The following ADGB variants were observed in gnomAD, a reference collection of about 807,000 sequenced individuals.
ADGB encodes androglobin.
Under a neutral mutation model 210.5 loss-of-function variants are expected in ADGB, and 172 were observed. The observed-to-expected ratio is 0.82, with a 90% CI of 0.72 to 0.93. The LOEUF (loss-of-function observed/expected upper bound fraction) is 0.93. ADGB is among the 40% of genes least tolerant of loss of function. ADGB has a pLI of 0.00. For missense variants in ADGB, 2,025 were observed against 1,964.8 expected (o/e 1.03, Z -0.58); for synonymous variants, 658 against 662.7 (o/e 0.99, Z 0.11).
chr6:146,626,325 T>TGTGTATTTTGCC (rs2114849034), intron 1 of ADGB, among the ~76,000 whole-genome samples: 1 of 152,114 alleles, frequency 6.6e-6, no homozygotes, highest in African/African-American at 2.4e-5. Flanking sequence ...TAAAATAACT[T>TGTGTATTTTGCC]GTGTATTTTG....
rs1452106627 is a variant in ADGB, at chr6:146,784,666, A to G, written c.4084A>G (p.Ile1362Val). The change falls in exon 31 of 36, where the codon ATT becomes GTT. Residue 1362 changes from isoleucine (I) to valine (V), a missense_variant. By Grantham distance (29) the Ile-to-Val change is conservative. Transcript: ENST00000397944. Reference protein sequence around the residue: ...QQEDPNKPYWILRLVTEHNES... With the variant: ...QQEDPNKPYWVLRLVTEHNES... ...AGAAGACCCAAATAAACCCTACTGG[A>G]TTTTGAGGTTGGTCACTGAACACAA... The G allele has an allele frequency of 3.2e-6, 5 of 1,551,422 alleles. No homozygotes were observed. Among genetic ancestry groups the G allele is most frequent in the African/African-American group, 1.4e-5 (1 of 73,112 alleles).
At chr6:146,712,054 C>CAAAA in intron 13 of ADGB, among the ~76,000 whole-genome samples, 1 of 137,416 alleles carries the variant, frequency 7.3e-6, no homozygotes. Context: ...CAGATCCTGT[C>CAAAA]AAAAAAAAAA....
At chr6:146,679,564 T>C (rs1432182471) in intron 9 of ADGB, among the ~76,000 whole-genome samples, 1 of 152,198 alleles carries the variant, frequency 6.6e-6, no homozygotes, top group Non-Finnish European at 1.5e-5. Flanking sequence ...ACCTTTTTCC[T>C]GGCATAAAGG....
At position 146,736,600 on chromosome 6, in the gene ADGB, G is replaced by A; in HGVS notation, c.2888+9G>A. 1 of 1,517,678 alleles carries A rather than the reference G, an allele frequency of 6.6e-7. No individual in the cohort carries two copies. Among genetic ancestry groups the A allele is most frequent in the Non-Finnish European group, 8.9e-7 (1 of 1,126,374 alleles). 94.0% of individuals were successfully genotyped at this position (1,517,678 alleles called of 1,614,324 possible). A position where few individuals can be genotyped will look rare whatever the true frequency, so the allele number is the denominator to read the frequency against. On this transcript the variant is annotated intron_variant, in intron 23 of 35. Coordinates refer to ENST00000397944, the MANE Select transcript of ADGB (RefSeq NM_024694.4). ...GCAGTTTCTCTCTTAAGGTAAAGCA[G>A]TCAAATGATATTTTTATTGCAGTAT...
At chr6:146,654,680 T>C (rs1321698399) in intron 4 of ADGB, among the ~76,000 whole-genome samples, 2 of 152,160 alleles carry the variant, frequency 1.3e-5, no homozygotes, top group Non-Finnish European at 2.9e-5. Flanking sequence ...AGGTATACAA[T>C]TTGATGGTTT....
At chr6:146,605,746 AC>A (rs1780622186) in intron 1 of ADGB, among the ~76,000 whole-genome samples, 1 of 152,146 alleles carries the variant, frequency 6.6e-6, no homozygotes, top group South Asian at 2.1e-4. Context: ...AGTGTAAAAA[AC>A]GTAGCAAAAT....
At chr6:146,810,335 C>G (rs1325140802) in intron 35 of ADGB, among the ~76,000 whole-genome samples, 1 of 152,036 alleles carries the variant, frequency 6.6e-6, no homozygotes, top group African/African-American at 2.4e-5. Flanking sequence ...GAAAGGGAAC[C>G]CTGTACACAC....
At chr6:146,788,103 C>A (rs952930140) in intron 32 of ADGB, among the ~76,000 whole-genome samples, 3 of 152,176 alleles carry the variant, frequency 2.0e-5, no homozygotes, top group African/African-American at 7.2e-5. Context: ...TTCACAGCAT[C>A]CCCAATAATT....
chr6:146,685,743 C>A lies in ADGB; in HGVS notation c.1226C>A (p.Ala409Glu), dbSNP rs1428942511. 3 of 1,518,286 alleles carry A rather than the reference C, an allele frequency of 2.0e-6. No homozygotes were observed. Among genetic ancestry groups the A allele is most frequent in the Non-Finnish European group, 2.6e-6 (3 of 1,133,284 alleles). 94.1% of individuals were successfully genotyped at this position (1,518,286 alleles called of 1,614,324 possible). A position where few individuals can be genotyped will look rare whatever the true frequency, so the allele number is the denominator to read the frequency against. Residue 409 changes from alanine (A) to glutamate (E), a missense_variant, in exon 10 of 36, where the codon GCA (alanine) becomes GAA (glutamate). Ala to Glu is a moderately radical substitution (Grantham distance 107). Transcript: ENST00000397944. Reference protein sequence around the residue: ...SVQSLSDCSSAIQTSHMVVYA... With the variant: ...SVQSLSDCSSEIQTSHMVVYA... ...TATGTTTGTTTTACAGGTTCTTCTG[C>A]AATACAGACCTCTCATATGGTCGTA... is the stretch of plus-strand genomic sequence containing the variant.
intron 29 of ADGB, among the ~76,000 whole-genome samples, chr6:146,774,663 T>A (rs1057265819): frequency 6.6e-6 from 1 of 152,194 alleles, no homozygotes; most frequent in Non-Finnish European, 1.5e-5. Context: ...TCAATTTGAT[T>A]AAAGCATGTC....
chr6:146,750,857 C>T (rs1038189364), intron 26 of ADGB, among the ~76,000 whole-genome samples: 1 of 152,122 alleles, frequency 6.6e-6, no homozygotes. Context: ...CAGTGAAGCT[C>T]CAAAGGCTTC....
rs1276088372 is a variant in ADGB, at chr6:146,666,809, T to C, written c.753-7T>C. ...CTACCTGTAACATTATGCATGTTCT[T>C]TTTTAGCATCCATGTAGCAGACAGG... On this transcript the variant is annotated splice_polypyrimidine_tract_variant and splice_region_variant and intron_variant, in intron 6 of 35. Transcript: ENST00000397944. 1.3e-6 allele frequency: 2 copies of C among 1,542,606 alleles called. No individual in the cohort carries two copies. The highest frequency in any genetic ancestry group is 2.7e-5 in the African/African-American group (2 of 72,778).
At chr6:146,729,683 A>G (rs1366595469) in intron 20 of ADGB, among the ~76,000 whole-genome samples, 3 of 152,194 alleles carry the variant, frequency 2.0e-5, no homozygotes, top group Admixed American at 2.0e-4. Flanking sequence ...GCTTCAAGCA[A>G]TCCTCCTGGC....
At chr6:146,742,252 T>C (rs1298737467) in intron 25 of ADGB, among the ~76,000 whole-genome samples, 1 of 152,078 alleles carries the variant, frequency 6.6e-6, no homozygotes, top group Non-Finnish European at 1.5e-5. Context: ...TATATACATA[T>C]ATAATCTGTT....
intron 5 of ADGB, among the ~76,000 whole-genome samples, chr6:146,659,145 G>A (rs116416808): frequency 2.0e-5 from 3 of 152,100 alleles, no homozygotes; most frequent in East Asian, 1.9e-4. Flanking sequence ...TTTTTTATCC[G>A]TTTCTTTCCT....
chr6:146,763,835 G>T, intron 27 of ADGB, 66 bp from the exon 28 acceptor site: 1 of 1,341,608 alleles, frequency 7.5e-7, no homozygotes, highest in South Asian at 1.5e-5. Context: ...GAATGTAACT[G>T]ATTTAGTCAG....
intron 12 of ADGB, among the ~76,000 whole-genome samples, chr6:146,697,533 A>C (rs2114539747): frequency 6.6e-6 from 1 of 152,306 alleles, no homozygotes; most frequent in South Asian, 2.1e-4. Flanking sequence ...GATGTGCTTA[A>C]GAACACATTA....
intron 2 of ADGB, among the ~76,000 whole-genome samples, chr6:146,642,724 A>T (rs1441734160): frequency 6.6e-6 from 1 of 151,506 alleles, no homozygotes; most frequent in Non-Finnish European, 1.5e-5. Context: ...ACTTATGAAC[A>T]CAAAGAAGGA....
At position 146,745,937 on chromosome 6, in the gene ADGB, G is replaced by T; in HGVS notation, c.3193G>T (p.Val1065Leu). The change falls in exon 26 of 36, where the codon GTG (valine) becomes TTG (leucine). Residue 1065 changes from valine to leucine, a missense_variant. Physicochemically the swap from Val to Leu is conservative, Grantham distance 32. Coordinates refer to ENST00000397944, the MANE Select transcript of ADGB (RefSeq NM_024694.4). Reference sequence around the variant, plus strand: ...TTTCTTATAGAAGGGATACACTTTTGTGGCGGAAGCATTTACAGGCGACAC... The same window carrying T: ...TTTCTTATAGAAGGGATACACTTTTTTGGCGGAAGCATTTACAGGCGACAC... ...YTKNKKGYTF[V>L]AEAFTGDTYV... is the part of the protein sequence containing the mutation. The T allele has an allele frequency of 6.5e-7, 1 of 1,546,828 alleles. No individual in the cohort carries two copies. The highest frequency in any genetic ancestry group is 1.2e-5 in the South Asian group (1 of 83,562).
Sources: allele counts gnomAD v4.1 joint callset (sites outside exome capture counted in the v4.1 genomes callset), GRCh38; gene constraint gnomAD v4.1.1; transcripts MANE v1.5; gene names NCBI Gene and HGNC (gene_info 2026-07-23, HGNC 2026-07-21).